SCGN: variants seen among roughly 807,000 people sequenced by gnomAD.
The protein encoded by SCGN is secretagogin.
Under a neutral mutation model 39.7 loss-of-function variants are expected in SCGN, and 30 were observed. The ratio of observed to expected loss-of-function variants is 0.76; its 90% CI spans 0.57 to 1.03. The LOEUF (loss-of-function observed/expected upper bound fraction) is 1.03. SCGN is among the 50% of genes least tolerant of loss of function. The pLI, the probability that SCGN is intolerant of heterozygous loss-of-function variation, is 0.00. For synonymous variants in SCGN, 106 were observed against 114.1 expected (o/e 0.93, Z 0.45); for missense variants, 353 against 349.4 (o/e 1.01, Z -0.08).
At chr6:25,698,145 G>A (rs1220546600) in intron 10 of SCGN, among the ~76,000 whole-genome samples, 1 of 152,098 alleles carries the variant, frequency 6.6e-6, no homozygotes, top group Non-Finnish European at 1.5e-5. Flanking sequence ...GTGCATTTTT[G>A]AGCTGTGGCA....
intron 10 of SCGN, among the ~76,000 whole-genome samples, chr6:25,699,355 G>A (rs1338116363): frequency 3.9e-5 from 6 of 151,916 alleles, no homozygotes; most frequent in East Asian, 1.9e-4. Context: ...TTGGGAGGCC[G>A]AGGCAGGTGT....
At chr6:25,678,997 G>A (rs1035313177) in intron 6 of SCGN, 2 of 151,582 alleles carry the variant, frequency 1.3e-5, no homozygotes, top group Non-Finnish European at 2.9e-5. Flanking sequence ...CCAAGTTCCT[G>A]GACAGTTCTG....
At chr6:25,656,945 G>A (rs1313734281) in intron 2 of SCGN, among the ~76,000 whole-genome samples, 1 of 152,178 alleles carries the variant, frequency 6.6e-6, no homozygotes, top group African/African-American at 2.4e-5. Flanking sequence ...AATGGATCCT[G>A]TGTTCCAGAG....
chr6:25,665,840 T>A (rs1442018586), intron 4 of SCGN, among the ~76,000 whole-genome samples: 1 of 152,226 alleles, frequency 6.6e-6, no homozygotes, highest in African/African-American at 2.4e-5. Context: ...AAAATGATTT[T>A]TTTTTAAGCA....
intron 10 of SCGN, among the ~76,000 whole-genome samples, chr6:25,697,386 A>G (rs766714736): frequency 1.3e-5 from 2 of 152,208 alleles, no homozygotes; most frequent in African/African-American, 2.4e-5. Flanking sequence ...TTTGATTGGT[A>G]GAGAATTATT....
chr6:25,664,910 T>C lies in SCGN; in HGVS notation c.247-33T>C, dbSNP rs367634641. ...CACTCTTGAAATGGACACTGGCCAG[T>C]GTCCCTGACTGTTATTCTTTCTGTT... On this transcript the variant is annotated intron_variant, in intron 3 of 10. Coordinates refer to ENST00000377961, the MANE Select transcript of SCGN (RefSeq NM_006998.4). 55 of 1,544,032 alleles carry C rather than the reference T, an allele frequency of 3.6e-5. No individual in the cohort carries two copies. The African/African-American group carries it at 4.9e-4, about 14-fold the overall frequency.
intron 6 of SCGN, among the ~76,000 whole-genome samples, 197 bp downstream of exon 6, chr6:25,670,273 T>C (rs1049430088): frequency 5.3e-5 from 8 of 152,224 alleles, no homozygotes; most frequent in African/African-American, 1.9e-4. Context: ...TTGCATCTAT[T>C]TGAGAGAGAA....
chr6:25,654,649 G>T (rs779405023), intron 2 of SCGN, among the ~76,000 whole-genome samples: 1 of 151,376 alleles, frequency 6.6e-6, no homozygotes, highest in Non-Finnish European at 1.5e-5. Context: ...AAGCTCTTTT[G>T]GTCTTTCCTC....
chr6:25,699,635 A>G (rs1759883522), intron 10 of SCGN, among the ~76,000 whole-genome samples: 2 of 151,528 alleles, frequency 1.3e-5, no homozygotes, highest in East Asian at 3.9e-4. Flanking sequence ...AAAATGGAGG[A>G]CACACTTTTC....
At chr6:25,658,658 A>G (rs142026956) in intron 2 of SCGN, among the ~76,000 whole-genome samples, 3 of 152,224 alleles carry the variant, frequency 2.0e-5, no homozygotes, top group African/African-American at 7.2e-5. Context: ...TCACAAAGAG[A>G]CTCACCTTCA....
chr6:25,665,604 T>A (rs538543255), intron 4 of SCGN, among the ~76,000 whole-genome samples: 36 of 152,258 alleles, frequency 2.4e-4, no homozygotes, highest in Non-Finnish European at 4.6e-4. Flanking sequence ...GCTCAGCCTC[T>A]CAGTGTTACT....
chr6:25,658,238 A>T (rs138279276), intron 2 of SCGN, among the ~76,000 whole-genome samples: 123 of 151,172 alleles, frequency 8.1e-4, no homozygotes, highest in Middle Eastern at 3.4e-3. Flanking sequence ...ACGGGGTTTC[A>T]CCATGTTAGC....
intron 7 of SCGN, among the ~76,000 whole-genome samples, chr6:25,683,727 G>A (rs565884332): frequency 5.5e-4 from 84 of 152,292 alleles, no homozygotes; most frequent in Admixed American, 4.4e-3. Context: ...CTCAGATGCC[G>A]ACTGATACAA....
intron 6 of SCGN, among the ~76,000 whole-genome samples, chr6:25,680,803 T>G (rs1207713975): frequency 6.6e-6 from 1 of 152,178 alleles, no homozygotes; most frequent in Non-Finnish European, 1.5e-5. Context: ...GTGTTTTAAT[T>G]CTGTAATACA....
chr6:25,687,436 A>G (rs1484550070), intron 7 of SCGN, among the ~76,000 whole-genome samples: 1 of 152,110 alleles, frequency 6.6e-6, no homozygotes, highest in Non-Finnish European at 1.5e-5. Flanking sequence ...ATTCTTTTTG[A>G]TGCTATCATG....
intron 3 of SCGN, among the ~76,000 whole-genome samples, chr6:25,664,328 T>A (rs1760392090): frequency 6.6e-6 from 1 of 152,178 alleles, no homozygotes; most frequent in South Asian, 2.1e-4. Flanking sequence ...ATACAACATC[T>A]TACCAGCAAA....
chr6:25,661,774 T>C (rs1760342388), intron 3 of SCGN, 130 bp downstream of exon 3: 1 of 611,972 alleles, frequency 1.6e-6, no homozygotes, highest in African/African-American at 1.9e-5. Flanking sequence ...AAATTAGAGA[T>C]TTCTGAAAGG....
chr6:25,689,165 TA>T lies in SCGN; in HGVS notation c.528-6del. On this transcript the variant is annotated splice_polypyrimidine_tract_variant and splice_region_variant and intron_variant, in intron 7 of 10. Transcript: ENST00000377961. The stretch of plus-strand genomic sequence containing the variant: ...CCTTACGTGGATTTTTTTTTTTTTC[TA>T]TTTAGGATTCTGGCTCTTCAGGAAA... The T allele has an allele frequency of 6.4e-7, 1 of 1,562,318 alleles. No homozygotes were observed. The highest frequency in any genetic ancestry group is 8.7e-7 in the Non-Finnish European group (1 of 1,150,458).
At chr6:25,664,489 T>C (rs1432935852) in intron 3 of SCGN, among the ~76,000 whole-genome samples, 2 of 152,192 alleles carry the variant, frequency 1.3e-5, no homozygotes, top group Non-Finnish European at 2.9e-5. Context: ...GTGTACCCTA[T>C]AGATTGTCAT....
Sources: gnomAD v4.1 joint callset for allele counts (sites outside exome capture counted in the v4.1 genomes callset) on GRCh38, gnomAD v4.1.1 for gene constraint, MANE v1.5 for transcripts, NCBI Gene and HGNC (gene_info 2026-07-23, HGNC 2026-07-21) for gene names.